Variants in LDB1 observed in about 807,000 individuals in gnomAD.
LDB1 encodes LIM domain-binding protein 1.
LDB1 carries 6 observed loss-of-function variants against 49.7 expected under a neutral mutation model. That is an observed-to-expected ratio of 0.12 (90% CI 0.07 to 0.24). The LOEUF (loss-of-function observed/expected upper bound fraction) is 0.24. Among genes scored for constraint, LDB1 ranks in the 10% least tolerant of loss-of-function variants. The probability of loss-of-function intolerance (pLI) is 1.00; values close to 1 mark genes in which losing one functional copy is unlikely to be tolerated. For missense variants in LDB1, 341 were observed against 561.7 expected (o/e 0.61, Z 3.97); for synonymous variants, 233 against 202.0 (o/e 1.15, Z -1.30).
intron 1 of LDB1, among the ~76,000 whole-genome samples, chr10:102,112,163 C>T (rs1200608431): frequency 2.6e-5 from 4 of 152,160 alleles, no homozygotes; most frequent in Non-Finnish European, 5.9e-5. Context: ...AAATAAATAT[C>T]CAATCATTAG....
chr10:102,120,762 G>A (rs966938527), upstream of LDB1, among the ~76,000 whole-genome samples: 4 of 152,178 alleles, frequency 2.6e-5, no homozygotes, highest in Admixed American at 6.5e-5. Flanking sequence ...CGTCCTCCGG[G>A]TGCCGCCGGA....
Position 102,114,560 on chromosome 10 carries a change from G to T in LDB1, c.26-3024C>A, listed in dbSNP as rs554253281. On this transcript the variant is annotated intron_variant, in intron 1 of 10. Coordinates refer to ENST00000673968, the MANE Select transcript of LDB1 (RefSeq NM_001113407.3). ...GACTGGGAGCTCCAGTCCGCCGGCC[G>T]CACAAAGACTCGCACGCACTGCCTC... is the stretch of plus-strand genomic sequence containing the variant. 4 of 985,698 alleles carry T rather than the reference G, an allele frequency of 4.1e-6. No individual in the cohort carries two copies. The South Asian group carries it at 1.4e-4, about 35-fold the overall frequency. The allele number at this position is 985,698 out of a possible 1,614,324, so 61.1% of individuals were successfully genotyped here. A position where few individuals can be genotyped will look rare whatever the true frequency, so the allele number is the denominator to read the frequency against.
chr10:102,106,541 C>CAAAAAAAAAGAAA lies in LDB1; in HGVS notation c.*1551_*1552insTTTCTTTTTTTTT, dbSNP rs2068161553. Among the ~76,000 whole-genome samples, 1 of 17,758 alleles carries CAAAAAAAAAGAAA rather than the reference C, an allele frequency of 5.6e-5. No individual in the cohort carries two copies. Among genetic ancestry groups the CAAAAAAAAAGAAA allele is most frequent in the Non-Finnish European group, 1.1e-4 (1 of 9,520 alleles). 11.6% of individuals were successfully genotyped at this position (17,758 alleles called of 152,430 possible). A position where few individuals can be genotyped will look rare whatever the true frequency, so the allele number is the denominator to read the frequency against. On this transcript the variant is annotated 3_prime_UTR_variant, in exon 11 of 11. Transcript: ENST00000673968. The stretch of plus-strand genomic sequence containing the variant: ...GGTACCATACATGACTCAAATGGCC[C>CAAAAAAAAAGAAA]AAAAAAAAAAAAAAAAAAAAAAAAA...
intron 1 of LDB1, chr10:102,115,066 A>C (rs1590288184): frequency 6.5e-6 from 1 of 153,736 alleles, no homozygotes; most frequent in South Asian, 2.1e-4. Context: ...CCTGAGAGGA[A>C]AGAGGAAGAG....
At chr10:102,103,363 G>A (rs958271938), downstream of LDB1, among the ~76,000 whole-genome samples, 1 of 150,048 alleles carries the variant, frequency 6.7e-6, no homozygotes, top group Non-Finnish European at 1.5e-5. Flanking sequence ...GTTTGAGACA[G>A]AGAGTCTTGC....
chr10:102,113,245 G>C (rs553151555), intron 1 of LDB1, among the ~76,000 whole-genome samples: 1 of 152,322 alleles, frequency 6.6e-6, no homozygotes, highest in African/African-American at 2.4e-5. Context: ...AAGATGCCAA[G>C]TCAGAGCCTG....
intron 1 of LDB1, 41 bp downstream of exon 1, chr10:102,120,045 G>T: frequency 7.1e-7 from 1 of 1,404,772 alleles, no homozygotes; most frequent in Non-Finnish European, 9.5e-7. Context: ...CGCAGGGACG[G>T]CTGGGCAGGA....
Position 102,120,254 on chromosome 10 carries a change from G to A in LDB1, c.-144C>T, listed in dbSNP as rs2068400497. Reference sequence around the variant, plus strand: ...GGCCCGGCCTCGGCCCGGTGCGGGCGGCCCCTGGCTGCGGCGAGGGGCCTG... The same window carrying A: ...GGCCCGGCCTCGGCCCGGTGCGGGCAGCCCCTGGCTGCGGCGAGGGGCCTG... On this transcript the variant is annotated 5_prime_UTR_variant, in exon 1 of 11. Transcript: ENST00000673968. 7.1e-6 allele frequency: 7 copies of A among 983,280 alleles called. No homozygotes were observed. Among genetic ancestry groups the A allele is most frequent in the Middle Eastern group, 5.2e-4 (1 of 1,914 alleles). The allele number at this position is 983,280 out of a possible 1,614,324, so 60.9% of individuals were successfully genotyped here.
chr10:102,115,306 T>A (rs955139616), intron 1 of LDB1, among the ~76,000 whole-genome samples: 2 of 151,872 alleles, frequency 1.3e-5, no homozygotes, highest in African/African-American at 4.8e-5. Context: ...GAGGGCGGGC[T>A]CCTCTCTGCA....
At chr10:102,104,019 G>C (rs894076709), downstream of LDB1, among the ~76,000 whole-genome samples, 1 of 151,656 alleles carries the variant, frequency 6.6e-6, no homozygotes, top group Admixed American at 6.6e-5. Context: ...ACGACATCAT[G>C]CCACTACACT....
Position 102,107,835 on chromosome 10 carries a change from C to CA in LDB1, c.*257dup. The CA allele has an allele frequency of 1.8e-6, 1 of 555,320 alleles. No individual in the cohort carries two copies. The highest frequency in any genetic ancestry group is 3.2e-6 in the Non-Finnish European group (1 of 309,564). The allele number at this position is 555,320 out of a possible 1,614,324, so 34.4% of individuals were successfully genotyped here. A position where few individuals can be genotyped will look rare whatever the true frequency, so the allele number is the denominator to read the frequency against. Reference sequence around the variant, plus strand: ...CCTGGGGGGTGGTCAGGACATGTCTCAGAGGCCCAGGTTCCAAGTAGGCAT... The same window carrying CA: ...CCTGGGGGGTGGTCAGGACATGTCTCAAGAGGCCCAGGTTCCAAGTAGGCAT... On this transcript the variant is annotated 3_prime_UTR_variant, in exon 11 of 11. Coordinates refer to ENST00000673968, the MANE Select transcript of LDB1 (RefSeq NM_001113407.3).
chr10:102,108,187 G>C lies in LDB1; in HGVS notation c.1142C>G (p.Ser381Cys). Residue 381 changes from serine (S) to cysteine (C), a missense_variant, in exon 11 of 11, where the codon TCC becomes TGC. By Grantham distance (112) the Ser-to-Cys change is moderately radical. Transcript: ENST00000673968. Reference protein sequence around the residue: ...GIDDEDSFNNSPALGANSPWN... With the variant: ...GIDDEDSFNNCPALGANSPWN... ...GGGGCTGTTGGCGCCCAGTGCAGGG[G>C]AGTTGTTAAAGCTGTCCTCGTCGTC... The C allele has an allele frequency of 6.2e-7, 1 of 1,614,078 alleles. No individual in the cohort carries two copies. Among genetic ancestry groups the C allele is most frequent in the Non-Finnish European group, 8.5e-7 (1 of 1,179,982 alleles).
At chr10:102,113,759 TAAAAAA>T (rs11422831) in intron 1 of LDB1, among the ~76,000 whole-genome samples, 2 of 123,648 alleles carry the variant, frequency 1.6e-5, no homozygotes, top group South Asian at 2.5e-4. Context: ...TCCAATTTTG[TAAAAAA>T]AAAAAAAAAA....
rs2133505087 is a variant in LDB1, at chr10:102,109,807, G to A, written c.648+114C>T. The A allele has an allele frequency of 1.9e-6, 3 of 1,558,468 alleles. No individual in the cohort carries two copies. The highest frequency in any genetic ancestry group is 2.6e-6 in the Non-Finnish European group (3 of 1,137,694). On this transcript the variant is annotated intron_variant, in intron 7 of 10. Transcript: ENST00000673968. This position sits in a 1 kb window ranked among gnomAD's most constrained non-coding sequence, Gnocchi z 5.8. ...AGTCTCTTATTAAACCTGCTGTTCAGATGAAGAAACCCTAACCCTCTGTCT... is the reference window on the plus strand; with the variant it reads ...AGTCTCTTATTAAACCTGCTGTTCAAATGAAGAAACCCTAACCCTCTGTCT...
chr10:102,107,885 A>T lies in LDB1; in HGVS notation c.*208T>A. The T allele has an allele frequency of 1.7e-6, 1 of 600,726 alleles. No homozygotes were observed. The allele number at this position is 600,726 out of a possible 1,614,324, so 37.2% of individuals were successfully genotyped here. On this transcript the variant is annotated 3_prime_UTR_variant, in exon 11 of 11. Coordinates refer to ENST00000673968, the MANE Select transcript of LDB1 (RefSeq NM_001113407.3). ...TCCACATGAGTACCCCCTCCCCCTA[A>T]AAGGCTCTGTAGAGGCCAGGCCCAG... is the stretch of plus-strand genomic sequence containing the variant.
Position 102,108,325 on chromosome 10 carries a change from TGA to T in LDB1, c.1006-4_1006-3del. The T allele has an allele frequency of 1.2e-6, 2 of 1,612,354 alleles. No individual in the cohort carries two copies. The highest frequency in any genetic ancestry group is 1.7e-6 in the Non-Finnish European group (2 of 1,178,564). The stretch of plus-strand genomic sequence containing the variant: ...GGGCTCCCCCACCACCATCACATCC[TGA>T]GAGTGGCGGAGGTCCCCAAACATAA... On this transcript the variant is annotated splice_region_variant and splice_polypyrimidine_tract_variant and intron_variant, in intron 10 of 10. Coordinates refer to ENST00000673968, the MANE Select transcript of LDB1 (RefSeq NM_001113407.3).
chr10:102,109,170 G>A lies in LDB1; in HGVS notation c.864C>T (p.Pro288=). Residue 288 remains proline, a synonymous_variant, in exon 10 of 11, where the codon CCC becomes CCT. Transcript: ENST00000673968. The surrounding 1 kb of genome is among the most constrained non-coding windows in gnomAD (Gnocchi z 5.8). ...GCCGTTTGCTGGGCTGCTGACGTGT[G>A]GGCTCCGCTGTGCCGGTAAACGGAG... ...WQRMVAPPAE[P]TRQQPSKRRK... The A allele has an allele frequency of 6.2e-7, 1 of 1,613,598 alleles. No homozygotes were observed. The highest frequency in any genetic ancestry group is 8.5e-7 in the Non-Finnish European group (1 of 1,179,908).
At chr10:102,119,280 G>T (rs919323504) in intron 1 of LDB1, among the ~76,000 whole-genome samples, 1 of 152,022 alleles carries the variant, frequency 6.6e-6, no homozygotes, top group Non-Finnish European at 1.5e-5. Context: ...CCTCCTGGCA[G>T]TGAGGTAGAC....
At chr10:102,116,068 A>T (rs2068332900) in intron 1 of LDB1, among the ~76,000 whole-genome samples, 1 of 152,184 alleles carries the variant, frequency 6.6e-6, no homozygotes, top group Non-Finnish European at 1.5e-5. Flanking sequence ...ATTTCTTATG[A>T]CATACTCACT....
Sources: gnomAD v4.1 joint callset for allele counts (sites outside exome capture counted in the v4.1 genomes callset) on GRCh38, gnomAD v4.1.1 for gene constraint, Gnocchi (gnomAD v3.1) non-coding constraint, MANE v1.5 for transcripts, NCBI Gene and HGNC (gene_info 2026-07-23, HGNC 2026-07-21) for gene names.